CPD: variants seen among roughly 807,000 people sequenced by gnomAD.
CPD encodes the protein metallocarboxypeptidase D.
A neutral mutation model predicts 138.3 loss-of-function variants in CPD; 69 were observed. The observed-to-expected ratio is 0.50, with a 90% CI of 0.41 to 0.61. The LOEUF (loss-of-function observed/expected upper bound fraction) is 0.61, where lower values mean the gene tolerates loss of function less well. Among genes scored for constraint, CPD ranks in the 20% least tolerant of loss-of-function variants. The pLI is 0.00. For missense variants in CPD, 1,432 were observed against 1,733.3 expected (o/e 0.83, Z 3.09); for synonymous variants, 651 against 642.1 (o/e 1.01, Z -0.21).
intron 2 of CPD, among the ~76,000 whole-genome samples, chr17:30,388,097 T>C (rs1389294022): frequency 6.6e-6 from 1 of 152,216 alleles, no homozygotes; most frequent in Non-Finnish European, 1.5e-5. Context: ...AGAGAGGAGC[T>C]ACCCTCTGGT....
intron 2 of CPD, among the ~76,000 whole-genome samples, chr17:30,396,893 G>A (rs574939394): frequency 4.2e-5 from 6 of 143,086 alleles, no homozygotes; most frequent in South Asian, 4.4e-4. Flanking sequence ...GTTTTCATAC[G>A]TATTCTTTCC....
Position 30,391,752 on chromosome 17 carries a change from T to A in CPD, c.994+6516T>A, listed in dbSNP as rs528554645. 2.0e-5 allele frequency among the ~76,000 whole-genome samples: 3 copies of A among 152,222 alleles called. No individual in the cohort carries two copies. In the South Asian group the frequency reaches 6.2e-4, roughly 32 times the overall value. On this transcript the variant is annotated intron_variant, in intron 2 of 20. Transcript: ENST00000225719. ...ACTTATATAAAATTAAGATAAATAC[T>A]ATCTACTCACAAGATTAGGAGGCTC...
chr17:30,446,155 C>A, intron 12 of CPD, 135 bp downstream of exon 12: 1 of 660,886 alleles, frequency 1.5e-6, no homozygotes, highest in Non-Finnish European at 2.5e-6. Context: ...ACTTATTTTG[C>A]AACATGTATT....
intron 2 of CPD, among the ~76,000 whole-genome samples, chr17:30,398,881 T>C (rs1016815651): frequency 4.6e-5 from 7 of 150,992 alleles, no homozygotes; most frequent in Non-Finnish European, 7.4e-5. Flanking sequence ...AAAAAATTCC[T>C]AAACCAAAAC....
intron 2 of CPD, among the ~76,000 whole-genome samples, chr17:30,419,587 C>T (rs34297246): frequency 0.012 from 1,869 of 152,268 alleles, 28 homozygotes; most frequent in Non-Finnish European, 0.018. Context: ...GCAATCTGCC[C>T]GCCTCCACCT....
chr17:30,453,175 A>T (rs1306071592), intron 14 of CPD, among the ~76,000 whole-genome samples: 1 of 152,182 alleles, frequency 6.6e-6, no homozygotes, highest in Non-Finnish European at 1.5e-5. Flanking sequence ...CCAAAGTCTT[A>T]TTTCAGCATT....
At chr17:30,427,674 T>C in intron 7 of CPD, 116 bp downstream of exon 7, 1 of 884,910 alleles carries the variant, frequency 1.1e-6, no homozygotes, top group Non-Finnish European at 1.8e-6. Flanking sequence ...CTGTTACTGC[T>C]CTTATGGCAG....
chr17:30,403,933 G>A (rs988438648), intron 2 of CPD, among the ~76,000 whole-genome samples: 1 of 152,044 alleles, frequency 6.6e-6, no homozygotes, highest in Non-Finnish European at 1.5e-5. Flanking sequence ...ACTTAGTAAT[G>A]TAATGGACCA....
Position 30,421,765 on chromosome 17 carries a change from A to C in CPD, c.1239A>C (p.Thr413=), listed in dbSNP as rs777551720. 1.5e-5 allele frequency: 24 copies of C among 1,613,786 alleles called. No individual in the cohort carries two copies. Among genetic ancestry groups the C allele is most frequent in the Non-Finnish European group, 1.9e-5 (23 of 1,179,724 alleles). Residue 413 remains threonine (T), a synonymous_variant, in exon 4 of 21, where the codon ACA becomes ACC. Coordinates refer to ENST00000225719, the MANE Select transcript of CPD (RefSeq NM_001304.5). The stretch of plus-strand genomic sequence containing the variant: ...CTGGTATTAATCATAATATCACAAC[A>C]GGCAGATTTGGTGATTTCTACCGAT... ...SVAGINHNIT[T]GRFGDFYRLL... is the part of the protein sequence containing the mutation.
intron 8 of CPD, among the ~76,000 whole-genome samples, chr17:30,438,238 A>G (rs1912758226): frequency 6.6e-6 from 1 of 152,048 alleles, no homozygotes; most frequent in Non-Finnish European, 1.5e-5. Context: ...TGTTTCAAAA[A>G]GAGATAAATG....
intron 2 of CPD, among the ~76,000 whole-genome samples, chr17:30,401,258 TCC>T (rs1911653051): frequency 6.6e-6 from 1 of 151,736 alleles, no homozygotes; most frequent in Admixed American, 6.6e-5. Flanking sequence ...CTTCTCCTTC[TCC>T]TTCTCCTCCT....
chr17:30,399,219 A>G (rs561543417), intron 2 of CPD, among the ~76,000 whole-genome samples: 1 of 152,180 alleles, frequency 6.6e-6, no homozygotes, highest in African/African-American at 2.4e-5. Flanking sequence ...TAAATCATAC[A>G]AAGTTTGACC....
rs530087486 is a variant in CPD at position 30,410,464 on chromosome 17, G to C, written c.995-10377G>C. On this transcript the variant is annotated intron_variant, in intron 2 of 20. Transcript: ENST00000225719. ...CTAATGTTGATAGTGGGGTGTTAAA[G>C]TCTCCCATTATCATTGTGTGGGAGC... is the stretch of plus-strand genomic sequence containing the variant. Among the ~76,000 whole-genome samples, 10 of 152,264 alleles carry C rather than the reference G, an allele frequency of 6.6e-5. No individual in the cohort carries two copies. The East Asian group carries it at 1.5e-3, about 23-fold the overall frequency.
chr17:30,388,850 G>A (rs1343896117), intron 2 of CPD, among the ~76,000 whole-genome samples: 1 of 152,194 alleles, frequency 6.6e-6, no homozygotes, highest in Non-Finnish European at 1.5e-5. Context: ...CCTGGGGCCA[G>A]GCTGTCAGGA....
rs182749789 is a variant in CPD, at chr17:30,395,053, G to A, written c.994+9817G>A. Among the ~76,000 whole-genome samples, 13 of 152,174 alleles carry A rather than the reference G, an allele frequency of 8.5e-5. No homozygotes were observed. The East Asian group carries it at 2.3e-3, about 27-fold the overall frequency. ...GGGAGAGAGGTCAAGATGAGAAAGA[G>A]ATTTAGAAGTTTTGAGACATTTGGA... is the stretch of plus-strand genomic sequence containing the variant. On this transcript the variant is annotated intron_variant, in intron 2 of 20. Coordinates refer to ENST00000225719, the MANE Select transcript of CPD (RefSeq NM_001304.5).
chr17:30,460,870 T>C (rs1160101154), intron 17 of CPD, among the ~76,000 whole-genome samples: 1 of 152,214 alleles, frequency 6.6e-6, no homozygotes, highest in Non-Finnish European at 1.5e-5. Flanking sequence ...CTTCTGCATG[T>C]ACTCATTCAT....
At chr17:30,422,598 C>A in intron 4 of CPD, 76 bp from the exon 5 acceptor site, 4 of 900,248 alleles carry the variant, frequency 4.4e-6, no homozygotes, top group Non-Finnish European at 6.8e-6. Flanking sequence ...GATGAAAAGG[C>A]TACTGTGCTT....
chr17:30,388,676 G>A (rs765637399), intron 2 of CPD, among the ~76,000 whole-genome samples: 1 of 152,192 alleles, frequency 6.6e-6, no homozygotes, highest in Non-Finnish European at 1.5e-5. Context: ...CCCAGCTCCC[G>A]CCGACTCAGT....
chr17:30,432,344 AAAG>A (rs1489991304), intron 8 of CPD, among the ~76,000 whole-genome samples: 1 of 152,246 alleles, frequency 6.6e-6, no homozygotes, highest in Non-Finnish European at 1.5e-5. Flanking sequence ...TTAACAAACT[AAAG>A]AAGGAAAATC....
Sources: allele counts gnomAD v4.1 joint callset (sites outside exome capture counted in the v4.1 genomes callset), GRCh38; gene constraint gnomAD v4.1.1; transcripts MANE v1.5; gene names NCBI Gene and HGNC (gene_info 2026-07-23, HGNC 2026-07-21).